ZFP82: variants seen among roughly 807,000 people sequenced by gnomAD.
ZFP82 encodes the protein ZFP82 zinc finger protein, also known as zinc finger protein 82 homolog.
A neutral mutation model predicts 54.0 loss-of-function variants in ZFP82; 30 were observed. The ratio of observed to expected loss-of-function variants is 0.56; its 90% confidence interval spans 0.42 to 0.75. The LOEUF is 0.75. Among genes scored for constraint, ZFP82 ranks in the 30% least tolerant of loss-of-function variants. The pLI, the probability that ZFP82 is intolerant of heterozygous loss-of-function variation, is 0.00. For missense variants in ZFP82, 500 were observed against 636.8 expected, an observed-to-expected ratio of 0.79 and a Z score of 2.31; for synonymous variants, 194 against 209.5, an observed-to-expected ratio of 0.93 and a Z score of 0.64.
At chr19:36,398,537 CAA>C (rs145968955) in intron 4 of ZFP82, among the ~76,000 whole-genome samples, 207 of 131,584 alleles carry the variant, frequency 1.6e-3, no homozygotes, top group Admixed American at 1.5e-3. Flanking sequence ...AACTCCATCT[CAA>C]AAAAAAAAAA....
At chr19:36,413,906 T>C (rs936034356) in intron 1 of ZFP82, among the ~76,000 whole-genome samples, 6 of 150,932 alleles carry the variant, frequency 4.0e-5, no homozygotes, top group Non-Finnish European at 8.9e-5. Flanking sequence ...AATAATTTTT[T>C]TTTTTTTTTT....
At chr19:36,384,194 T>C (rs970322646), downstream of ZFP82, 5 of 152,278 alleles carry the variant, frequency 3.3e-5, no homozygotes, top group African/African-American at 9.6e-5. Context: ...TAAGGTATTT[T>C]TCACAGTGAG....
chr19:36,395,920 G>C (rs1417392849), intron 4 of ZFP82: 1 of 152,306 alleles, frequency 6.6e-6, no homozygotes, highest in African/African-American at 2.4e-5. Flanking sequence ...TTTTGAGACA[G>C]AGTCTCACTC....
At chr19:36,408,305 C>CTGTA (rs1027931942) in intron 2 of ZFP82, among the ~76,000 whole-genome samples, 2 of 152,158 alleles carry the variant, frequency 1.3e-5, no homozygotes, top group Admixed American at 6.5e-5. Context: ...AAATGAAATA[C>CTGTA]TGTATATAAG....
rs143684097 is a variant in ZFP82 at position 36,392,528 on chromosome 19, C to T, written c.*213G>A. 27 of 497,974 alleles carry T rather than the reference C, an allele frequency of 5.4e-5. No individual in the cohort carries two copies. The highest frequency in any genetic ancestry group is 5.3e-4 in the Middle Eastern group (1 of 1,872). The allele number at this position is 497,974 out of a possible 1,614,324, so 30.8% of individuals were successfully genotyped here. On this transcript the variant is annotated 3_prime_UTR_variant, in exon 5 of 5. Transcript: ENST00000392161. ...ACACAAAGTGATGGGATAGGGATGA[C>T]GGTAAATGTCTTTTTCATTCTTATA...
chr19:36,384,368 C>T (rs1400415834), downstream of ZFP82: 1 of 152,118 alleles, frequency 6.6e-6, no homozygotes, highest in Non-Finnish European at 1.5e-5. Flanking sequence ...CCTCACCATA[C>T]CAGTAATCAT....
At chr19:36,412,095 A>T (rs61180559) in intron 1 of ZFP82, among the ~76,000 whole-genome samples, 6,219 of 151,002 alleles carry the variant, frequency 0.041, 394 homozygotes, top group African/African-American at 0.14. Flanking sequence ...AGAGAGAGAG[A>T]GTGTGCGTGT....
intron 1 of ZFP82, among the ~76,000 whole-genome samples, chr19:36,417,895 C>T (rs754770447): frequency 3.3e-5 from 5 of 152,066 alleles, no homozygotes; most frequent in African/African-American, 1.2e-4. Flanking sequence ...GGAGCGGGGG[C>T]TCGTTCAGTT....
rs374829228 is a variant in ZFP82 at position 36,393,343 on chromosome 19, T to C, written c.997A>G (p.Thr333Ala). The change falls in exon 5 of 5, where the codon ACT becomes GCT. Residue 333 changes from threonine to alanine, a missense_variant. Coordinates refer to ENST00000392161, the MANE Select transcript of ZFP82 (RefSeq NM_133466.4). Reference sequence around the variant, plus strand: ...TTACATTCATAGGGTTTCTCACCAGTATGAAGTTTGTGATGTACTCTAAGA... The same window carrying C: ...TTACATTCATAGGGTTTCTCACCAGCATGAAGTTTGTGATGTACTCTAAGA... Reference protein sequence around the residue: ...SGLRVHHKLHTGEKPYECKEC... With the variant: ...SGLRVHHKLHAGEKPYECKEC... 7 of 1,613,620 alleles carry C rather than the reference T, an allele frequency of 4.3e-6. No homozygotes were observed. Among genetic ancestry groups the C allele is most frequent in the Non-Finnish European group, 5.1e-6 (6 of 1,179,946 alleles).
chr19:36,409,316 G>C (rs2032537702), intron 2 of ZFP82, among the ~76,000 whole-genome samples: 1 of 151,706 alleles, frequency 6.6e-6, no homozygotes, highest in Admixed American at 6.6e-5. Context: ...ACCCAGGCTG[G>C]AGTACAGTGG....
intron 4 of ZFP82, among the ~76,000 whole-genome samples, chr19:36,397,000 T>G (rs560695286): frequency 6.6e-6 from 1 of 151,442 alleles, no homozygotes; most frequent in Admixed American, 6.6e-5. Flanking sequence ...GAAAATAAAA[T>G]TAAGCTGAAG....
intron 1 of ZFP82, among the ~76,000 whole-genome samples, chr19:36,410,160 T>A (rs1035751841): frequency 2.0e-5 from 3 of 152,002 alleles, no homozygotes; most frequent in Admixed American, 6.6e-5. Flanking sequence ...AGAGAGAAAT[T>A]CATAAAGACC....
intron 2 of ZFP82, among the ~76,000 whole-genome samples, chr19:36,408,960 G>A (rs573115740): frequency 6.6e-6 from 1 of 152,294 alleles, no homozygotes; most frequent in Admixed American, 6.5e-5. Context: ...GACTACTTAT[G>A]TACCTGGATT....
intron 3 of ZFP82, 81 bp downstream of exon 3, chr19:36,407,804 TAA>T (rs2032510144): frequency 6.7e-7 from 1 of 1,484,188 alleles, no homozygotes; most frequent in Non-Finnish European, 9.1e-7. Flanking sequence ...GATAGCTTCC[TAA>T]AAGATACTCT....
chr19:36,416,658 A>C (rs2032674697), intron 1 of ZFP82, among the ~76,000 whole-genome samples: 2 of 149,338 alleles, frequency 1.3e-5, no homozygotes. Flanking sequence ...AGGGTGGCTG[A>C]GGCAGGAGAA....
At chr19:36,412,417 A>G (rs904428470) in intron 1 of ZFP82, among the ~76,000 whole-genome samples, 3 of 152,272 alleles carry the variant, frequency 2.0e-5, no homozygotes, top group African/African-American at 7.2e-5. Context: ...GAACTTGGAG[A>G]AAAAAACTCA....
rs983962250 is a variant in ZFP82, at chr19:36,388,760, T to C, written c.*3981A>G. Among the ~76,000 whole-genome samples, 9 of 152,218 alleles carry C rather than the reference T, an allele frequency of 5.9e-5. No homozygotes were observed. Among genetic ancestry groups the C allele is most frequent in the Non-Finnish European group, 8.8e-5 (6 of 68,036 alleles). On this transcript the variant is annotated 3_prime_UTR_variant, in exon 5 of 5. Coordinates refer to ENST00000392161, the MANE Select transcript of ZFP82 (RefSeq NM_133466.4). The stretch of plus-strand genomic sequence containing the variant: ...ACTATTCCATTAATTTATTTGATCA[T>C]ATAAACTACTTGCTGTTATTCACCT...
rs1403211655 is a variant in ZFP82, at chr19:36,393,360, A to C, written c.980T>G (p.Val327Gly). 31 of 1,613,438 alleles carry C rather than the reference A, an allele frequency of 1.9e-5. No homozygotes were observed. Among genetic ancestry groups the C allele is most frequent in the Non-Finnish European group, 2.5e-5 (29 of 1,179,926 alleles). ...KAFLCGSGLR[V>G]HHKLHTGEKP... Reference sequence around the variant, plus strand: ...CTCACCAGTATGAAGTTTGTGATGTACTCTAAGACCAGAGCCACACAAAAA... The same window carrying C: ...CTCACCAGTATGAAGTTTGTGATGTCCTCTAAGACCAGAGCCACACAAAAA... Residue 327 changes from valine (V) to glycine (G), a missense_variant, in exon 5 of 5, where the codon GTA becomes GGA. Coordinates refer to ENST00000392161, the MANE Select transcript of ZFP82 (RefSeq NM_133466.4).
At chr19:36,409,331 T>A (rs948708140) in intron 2 of ZFP82, among the ~76,000 whole-genome samples, 2 of 151,840 alleles carry the variant, frequency 1.3e-5, no homozygotes, top group African/African-American at 2.4e-5. Flanking sequence ...CAGTGGCACA[T>A]CCATAGCTTC....
Sources: gnomAD v4.1 joint callset for allele counts (sites outside exome capture counted in the v4.1 genomes callset) on GRCh38, gnomAD v4.1.1 for gene constraint, MANE v1.5 for transcripts, NCBI Gene and HGNC (gene_info 2026-07-23, HGNC 2026-07-21) for gene names.